USP10: variants seen among roughly 807,000 people sequenced by gnomAD.
The protein encoded by USP10 is ubiquitin specific peptidase 10.
Under a neutral mutation model 84.5 loss-of-function variants are expected in USP10, and 22 were observed. The observed-to-expected ratio is 0.26, with a 90% CI of 0.19 to 0.37. The LOEUF is 0.37. Ranked by LOEUF, USP10 falls within the 10% of genes least tolerant of loss-of-function variation. The probability of loss-of-function intolerance (pLI) is 1.00; values close to 1 mark genes in which losing one functional copy is unlikely to be tolerated. For synonymous variants in USP10, 454 were observed against 387.6 expected (o/e 1.17, Z -2.01); for missense variants, 1,019 against 998.9 (o/e 1.02, Z -0.27).
At position 84,779,099 on chromosome 16, in the gene USP10, G is replaced by T; in HGVS notation, c.*17G>T. 1 of 1,600,922 alleles carries T rather than the reference G, an allele frequency of 6.2e-7. No homozygotes were observed. The highest frequency in any genetic ancestry group is 2.2e-5 in the East Asian group (1 of 44,474). On this transcript the variant is annotated 3_prime_UTR_variant, in exon 14 of 14. Coordinates refer to ENST00000219473, the MANE Select transcript of USP10 (RefSeq NM_005153.3). Reference sequence around the variant, plus strand: ...CTGCTGTAAACCCTGTGTGCGCTGTGTGTGCGCCCAGTGCCCGCTTCGTAG... The same window carrying T: ...CTGCTGTAAACCCTGTGTGCGCTGTTTGTGCGCCCAGTGCCCGCTTCGTAG...
chr16:84,713,855 C>G (rs1163633456), intron 1 of USP10, among the ~76,000 whole-genome samples: 1 of 152,188 alleles, frequency 6.6e-6, no homozygotes, highest in Non-Finnish European at 1.5e-5. Flanking sequence ...CAGCAGGGTC[C>G]CAAGAGAAGG....
In USP10 at chr16:84,763,103, A is replaced by G. The variant is rs548212096; in HGVS notation, c.1654+15A>G. On this transcript the variant is annotated intron_variant, in intron 9 of 13. Coordinates refer to ENST00000219473, the MANE Select transcript of USP10 (RefSeq NM_005153.3). Reference sequence around the variant, plus strand: ...AAGTAATGAAAGTAGGTTATGGTCCACTTGCCGCAGAGTTGTGCAAGAGTT... The same window carrying G: ...AAGTAATGAAAGTAGGTTATGGTCCGCTTGCCGCAGAGTTGTGCAAGAGTT... 3 of 1,572,682 alleles carry G rather than the reference A, an allele frequency of 1.9e-6. No individual in the cohort carries two copies. Among genetic ancestry groups the G allele is most frequent in the African/African-American group, 1.3e-5 (1 of 74,336 alleles).
intron 3 of USP10, among the ~76,000 whole-genome samples, chr16:84,743,757 C>A (rs923917435): frequency 5.9e-5 from 9 of 152,162 alleles, no homozygotes; most frequent in African/African-American, 1.9e-4. Context: ...TATAAAAATA[C>A]GTCTGTCTTA....
chr16:84,715,240 A>T (rs909350293), intron 1 of USP10, among the ~76,000 whole-genome samples: 9 of 152,188 alleles, frequency 5.9e-5, no homozygotes, highest in Non-Finnish European at 1.2e-4. Flanking sequence ...CATTTATAAA[A>T]TATCAATAAG....
chr16:84,705,982 A>G (rs1049638037), intron 1 of USP10, among the ~76,000 whole-genome samples: 3 of 152,080 alleles, frequency 2.0e-5, no homozygotes, highest in Admixed American at 1.3e-4. Context: ...TTGGCCTCCC[A>G]AAGTGCTGGG....
chr16:84,709,085 T>C (rs766479680), intron 1 of USP10: 1 of 152,238 alleles, frequency 6.6e-6, no homozygotes, highest in Non-Finnish European at 1.5e-5. Context: ...GAGTGGCTGC[T>C]GTGTACCAGG....
rs115184057 is a variant in USP10 at position 84,737,483 on chromosome 16, C to G, written c.91-2826C>G. Among the ~76,000 whole-genome samples, 1,227 of 152,298 alleles carry G rather than the reference C, an allele frequency of 8.1e-3. 11 individuals carry two copies. Among genetic ancestry groups the G allele is most frequent in the African/African-American group, 0.028 (1,147 of 41,554 alleles). The stretch of plus-strand genomic sequence containing the variant: ...GCATCTGATGTGTGAGGGAGGTTTG[C>G]TGAATGAAAGGTGCTGTGTGCCTGT... On this transcript the variant is annotated intron_variant, in intron 2 of 13. Transcript: ENST00000219473.
chr16:84,768,484 T>C (rs1914096373), intron 11 of USP10, 126 bp downstream of exon 11: 4 of 934,934 alleles, frequency 4.3e-6, no homozygotes, highest in Middle Eastern at 2.5e-4. Context: ...TTAACCATTT[T>C]GTACTGAAAG....
In USP10 at chr16:84,729,776, A is replaced by G. The variant is rs559678313; in HGVS notation, c.22-3659A>G. Among the ~76,000 whole-genome samples, 6 of 152,342 alleles carry G rather than the reference A, an allele frequency of 3.9e-5. No individual in the cohort carries two copies. The South Asian group carries it at 1.2e-3, about 32-fold the overall frequency. On this transcript the variant is annotated intron_variant, in intron 1 of 13. Transcript: ENST00000219473. ...TTTTGATGGAGTTGTTTTTTGAGCT[A>G]TGTGAGCCAGTGTTAAGGAAATTAA...
At chr16:84,736,828 G>A (rs1258062486) in intron 2 of USP10, among the ~76,000 whole-genome samples, 4 of 152,110 alleles carry the variant, frequency 2.6e-5, no homozygotes, top group African/African-American at 9.7e-5. Flanking sequence ...TCGCTCTCTC[G>A]CCCAGGCTGG....
intron 4 of USP10, among the ~76,000 whole-genome samples, chr16:84,746,093 G>A (rs1194788272): frequency 1.3e-5 from 2 of 150,900 alleles, no homozygotes; most frequent in African/African-American, 4.9e-5. Flanking sequence ...GAAATAACAT[G>A]GTTTTTTTTT....
chr16:84,743,226 C>G (rs139406394), intron 3 of USP10, among the ~76,000 whole-genome samples: 1,596 of 152,302 alleles, frequency 0.01, 13 homozygotes, highest in Non-Finnish European at 0.018. Context: ...TGACTTCATG[C>G]ATAAACTTGC....
chr16:84,759,919 A>G lies in USP10; in HGVS notation c.1423A>G (p.Met475Val), dbSNP rs1913008360. 6.2e-7 allele frequency: 1 copy of G among 1,613,916 alleles called. No homozygotes were observed. Among genetic ancestry groups the G allele is most frequent in the Admixed American group, 1.7e-5 (1 of 60,010 alleles). Reference sequence around the variant, plus strand: ...TCGGCTAATGAATGAGTTCACTAATATGCCAGTACCTCCAAAACCCCGACA... The same window carrying G: ...TCGGCTAATGAATGAGTTCACTAATGTGCCAGTACCTCCAAAACCCCGACA... ...FVRLMNEFTN[M>V]PVPPKPRQAL... The change falls in exon 7 of 14, where the codon ATG (methionine) becomes GTG (valine). Residue 475 changes from methionine to valine, a missense_variant. Met to Val is a conservative substitution (Grantham distance 21, BLOSUM62 1). Around this residue, in one of 2 missense-constraint regions of USP10, gnomAD observed 787 missense variants for 708.8 expected, o/e 1.11. Transcript: ENST00000219473.
At chr16:84,728,608 C>T (rs749185100) in intron 1 of USP10, among the ~76,000 whole-genome samples, 5 of 152,086 alleles carry the variant, frequency 3.3e-5, no homozygotes, top group Admixed American at 6.6e-5. Flanking sequence ...GGATTACAGG[C>T]GTGAGCCACC....
At chr16:84,741,479 C>G (rs79003402) in intron 3 of USP10, among the ~76,000 whole-genome samples, 1 of 152,226 alleles carries the variant, frequency 6.6e-6, no homozygotes, top group Non-Finnish European at 1.5e-5. Flanking sequence ...CCAGTGCTTA[C>G]AAATGCCCCA....
At chr16:84,725,397 T>C (rs1908323838) in intron 1 of USP10, among the ~76,000 whole-genome samples, 1 of 152,184 alleles carries the variant, frequency 6.6e-6, no homozygotes, top group Non-Finnish European at 1.5e-5. Flanking sequence ...TTTTTCTCTT[T>C]CTTTTCTTTT....
chr16:84,757,505 G>C (rs1404777770), intron 4 of USP10, among the ~76,000 whole-genome samples: 3 of 151,778 alleles, frequency 2.0e-5, no homozygotes, highest in Non-Finnish European at 4.4e-5. Flanking sequence ...GGATCTGCCA[G>C]TACAATGTAG....
intron 1 of USP10, among the ~76,000 whole-genome samples, chr16:84,726,893 T>C (rs1031919827): frequency 6.6e-6 from 1 of 152,252 alleles, no homozygotes; most frequent in Non-Finnish European, 1.5e-5. Flanking sequence ...AAAGGAGCGT[T>C]TGTTACTGCT....
At chr16:84,765,039 C>T (rs1567645138) in intron 10 of USP10, among the ~76,000 whole-genome samples, 1 of 150,928 alleles carries the variant, frequency 6.6e-6, no homozygotes, top group Non-Finnish European at 1.5e-5. Flanking sequence ...TACACCACTG[C>T]ACTCCAGCCT....
Sources: gnomAD v4.1 joint callset for allele counts (sites outside exome capture counted in the v4.1 genomes callset) on GRCh38, gnomAD v4.1.1 for gene constraint, gnomAD v4.1.1 regional missense constraint, MANE v1.5 for transcripts, NCBI Gene and HGNC (gene_info 2026-07-23, HGNC 2026-07-21) for gene names.